The following DLGAP1 variants were observed in gnomAD, a reference collection of about 807,000 sequenced individuals.
The protein encoded by DLGAP1 is disks large-associated protein 1.
In DLGAP1, 11 loss-of-function variants were observed where a neutral mutation model predicts 90.8. The ratio of observed to expected loss-of-function variants is 0.12; its 90% CI spans 0.08 to 0.20. The LOEUF (loss-of-function observed/expected upper bound fraction) is 0.20, where lower values mean the gene tolerates loss of function less well. Among genes scored for constraint, DLGAP1 ranks in the 10% least tolerant of loss-of-function variants. DLGAP1 has a pLI of 1.00. For synonymous variants in DLGAP1, 558 were observed against 540.7 expected (o/e 1.03, Z -0.44); for missense variants, 1,050 against 1,333.8 (o/e 0.79, Z 3.31).
At chr18:3,673,026 C>CGAT (rs1193607221) in intron 7 of DLGAP1, among the ~76,000 whole-genome samples, 2 of 152,276 alleles carry the variant, frequency 1.3e-5, no homozygotes, top group Non-Finnish European at 2.9e-5. Flanking sequence ...TCTAAGACAC[C>CGAT]GATTACTTCC....
Position 3,546,315 on chromosome 18 carries a change from G to A in DLGAP1, c.2058-11700C>T, listed in dbSNP as rs561311446. Among the ~76,000 whole-genome samples, 3 of 151,900 alleles carry A rather than the reference G, an allele frequency of 2.0e-5. No individual in the cohort carries two copies. In the South Asian group the frequency reaches 6.2e-4, roughly 32 times the overall value. The stretch of plus-strand genomic sequence containing the variant: ...TGTAGTCCCAGCTACACCGGAGACT[G>A]AGGTGGGAGGATCCCTTGAGACCAG... On this transcript the variant is annotated intron_variant, in intron 9 of 12. Coordinates refer to ENST00000315677, the MANE Select transcript of DLGAP1 (RefSeq NM_004746.4).
At chr18:3,637,963 T>C (rs1416772311) in intron 7 of DLGAP1, among the ~76,000 whole-genome samples, 3 of 122,604 alleles carry the variant, frequency 2.4e-5, no homozygotes, top group Non-Finnish European at 5.2e-5. Flanking sequence ...TTTTTTTTTT[T>C]TGAGACGGAG....
intron 3 of DLGAP1, among the ~76,000 whole-genome samples, chr18:3,950,909 C>T (rs539024185): frequency 2.2e-4 from 34 of 152,280 alleles, no homozygotes; most frequent in South Asian, 1.0e-3. Context: ...ATGAACTATA[C>T]GGGCTGACAG....
rs144654180 is a variant in DLGAP1, at chr18:4,424,823, C to A, written c.-267+30183G>T. 9.1e-4 allele frequency among the ~76,000 whole-genome samples: 138 copies of A among 152,168 alleles called. No individual in the cohort carries two copies. In the Middle Eastern group the frequency reaches 0.017, roughly 19 times the overall value. On this transcript the variant is annotated intron_variant, in intron 1 of 12. Transcript: ENST00000315677. The stretch of plus-strand genomic sequence containing the variant: ...ATACAAGAGATGGTCAAATTGACTA[C>A]TAAATTTGCACCTTATTCTTCATTT...
rs1793187533 is a variant in DLGAP1, at chr18:3,660,202, T to C, written c.1591+68933A>G. 1.3e-5 allele frequency among the ~76,000 whole-genome samples: 2 copies of C among 152,122 alleles called. No homozygotes were observed. Among genetic ancestry groups the C allele is most frequent in the South Asian group, 4.1e-4 (2 of 4,830 alleles). On this transcript the variant is annotated intron_variant, in intron 7 of 12. Transcript: ENST00000315677. The surrounding 1 kb of genome is among the most constrained non-coding windows in gnomAD (Gnocchi z 4.2). The stretch of plus-strand genomic sequence containing the variant: ...TTTTTAAAAGGATTGGGGGTGGGGG[T>C]CTCACTTTGTTGGCCAGCCTGGCCT...
chr18:4,372,928 A>G (rs1169118410), intron 1 of DLGAP1, among the ~76,000 whole-genome samples: 2 of 122,654 alleles, frequency 1.6e-5, no homozygotes, highest in Non-Finnish European at 3.8e-5. Context: ...ACTCCATCTC[A>G]AAAAAAAAAG....
Position 3,580,481 on chromosome 18 carries a change from C to T in DLGAP1, c.1965+1394G>A, listed in dbSNP as rs1599350261. On this transcript the variant is annotated intron_variant, in intron 8 of 12. Coordinates refer to ENST00000315677, the MANE Select transcript of DLGAP1 (RefSeq NM_004746.4). ...CCTCAGCCGCCACCTCTTCATTGTC[C>T]ACAAGGTGAGAGACCAGGAGGAGGA... The T allele has an allele frequency of 1.7e-5, 27 of 1,609,498 alleles. No individual in the cohort carries two copies. The East Asian group carries it at 6.0e-4, about 36-fold the overall frequency.
At chr18:3,532,235 G>T (rs573382073) in intron 10 of DLGAP1, among the ~76,000 whole-genome samples, 1 of 152,126 alleles carries the variant, frequency 6.6e-6, no homozygotes, top group Admixed American at 6.6e-5. Context: ...AGCAGGTGAC[G>T]AGTACATGGG....
Position 3,581,958 on chromosome 18 carries a change from T to A in DLGAP1, c.1882A>T (p.Thr628Ser). The A allele has an allele frequency of 6.2e-7, 1 of 1,614,076 alleles. No individual in the cohort carries two copies. The highest frequency in any genetic ancestry group is 8.5e-7 in the Non-Finnish European group (1 of 1,180,000). The change falls in exon 8 of 13, where the codon ACG becomes TCG. Residue 628 changes from threonine to serine, a missense_variant. By Grantham distance (58) the Thr-to-Ser change is moderately conservative. Coordinates refer to ENST00000315677, the MANE Select transcript of DLGAP1 (RefSeq NM_004746.4). ...MGNNTATVTT[T>S]TTIATVTTED... ...GTGGTGACGGTGGCTATGGTAGTCG[T>A]GGTGGTGACGGTGGCAGTGTTATTG...
chr18:3,852,581 C>A (rs1234885535), intron 4 of DLGAP1, among the ~76,000 whole-genome samples: 2 of 152,118 alleles, frequency 1.3e-5, no homozygotes, highest in Non-Finnish European at 2.9e-5. Context: ...GGCAAAAGAA[C>A]CTGTGGCCAG....
intron 1 of DLGAP1, among the ~76,000 whole-genome samples, chr18:4,396,586 GCTCT>G (rs1273030723): frequency 6.6e-6 from 1 of 152,120 alleles, no homozygotes; most frequent in Non-Finnish European, 1.5e-5. Context: ...GGGTATTGGC[GCTCT>G]CTGAGAGGAA....
chr18:3,883,955 A>G (rs2071244900), intron 3 of DLGAP1, among the ~76,000 whole-genome samples: 1 of 152,240 alleles, frequency 6.6e-6, no homozygotes, highest in Non-Finnish European at 1.5e-5. Context: ...GGATGCTTAG[A>G]CAGAGGGCAA....
intron 1 of DLGAP1, among the ~76,000 whole-genome samples, chr18:4,345,757 T>G (rs1172111837): frequency 6.6e-6 from 1 of 152,238 alleles, no homozygotes; most frequent in East Asian, 1.9e-4. Flanking sequence ...TGTGCTAGCC[T>G]ACTTTTTCCC....
intron 1 of DLGAP1, among the ~76,000 whole-genome samples, chr18:4,253,538 G>A (rs1186729596): frequency 6.6e-6 from 1 of 152,028 alleles, no homozygotes; most frequent in East Asian, 1.9e-4. Flanking sequence ...AGCCTCCCAA[G>A]TAGCTGGGAT....
At position 4,378,595 on chromosome 18, in the gene DLGAP1, T is replaced by C. The variant is rs1160966454; in HGVS notation, c.-267+76411A>G. 6.6e-6 allele frequency among the ~76,000 whole-genome samples: 1 copy of C among 152,034 alleles called. No homozygotes were observed. Among genetic ancestry groups the C allele is most frequent in the Non-Finnish European group, 1.5e-5 (1 of 67,986 alleles). On this transcript the variant is annotated intron_variant, in intron 1 of 12. Transcript: ENST00000315677. This position sits in a 1 kb window ranked among gnomAD's most constrained non-coding sequence, Gnocchi z 4.5. The stretch of plus-strand genomic sequence containing the variant: ...AACAAATAAAATCAAGCTCTTAGAG[T>C]GCTTAAGAATCCATGGTGGGGAGGC...
At chr18:3,759,982 G>A (rs924184828) in intron 5 of DLGAP1, among the ~76,000 whole-genome samples, 2 of 152,212 alleles carry the variant, frequency 1.3e-5, no homozygotes, top group South Asian at 2.1e-4. Context: ...ATCCAAAGCT[G>A]AGCCTGTTCT....
At chr18:4,302,002 T>C (rs1294022510) in intron 1 of DLGAP1, among the ~76,000 whole-genome samples, 1 of 152,168 alleles carries the variant, frequency 6.6e-6, no homozygotes, top group Non-Finnish European at 1.5e-5. Flanking sequence ...TTTCTTGCTA[T>C]TGAATTGTTT....
chr18:3,533,277 G>A (rs376417252), intron 10 of DLGAP1, among the ~76,000 whole-genome samples: 2 of 152,272 alleles, frequency 1.3e-5, no homozygotes, highest in East Asian at 1.9e-4. Flanking sequence ...AGAATAGTGT[G>A]CGAAAAAGAG....
In DLGAP1 at chr18:3,606,278, GC is replaced by G. The variant is rs773653824; in HGVS notation, c.1592-24031del. Among the ~76,000 whole-genome samples the G allele has an allele frequency of 9.9e-5, 15 of 152,184 alleles. 1 individual carries two copies. Among genetic ancestry groups the G allele is most frequent in the Admixed American group, 2.6e-4 (4 of 15,274 alleles). ...CTGCAACTCGCCAGGATGAAACTGG[GC>G]CCCGCTTCTTAGAACCCTTCCCCGC... is the stretch of plus-strand genomic sequence containing the variant. On this transcript the variant is annotated intron_variant, in intron 7 of 12. Transcript: ENST00000315677.
Sources: allele counts gnomAD v4.1 joint callset (sites outside exome capture counted in the v4.1 genomes callset), GRCh38; gene constraint gnomAD v4.1.1; non-coding constraint Gnocchi (gnomAD v3.1); transcripts MANE v1.5; gene names NCBI Gene and HGNC (gene_info 2026-07-23, HGNC 2026-07-21).